Variants in RPS6KA2 observed in about 807,000 individuals in gnomAD.
RPS6KA2 encodes the protein ribosomal protein S6 kinase alpha-2.
A neutral mutation model predicts 91.8 loss-of-function variants in RPS6KA2; 42 were observed. The observed-to-expected ratio is 0.46, with a 90% CI of 0.36 to 0.59. RPS6KA2 has a LOEUF of 0.59. Among genes scored for constraint, RPS6KA2 ranks in the 20% least tolerant of loss-of-function variants. RPS6KA2 has a pLI of 0.00. For missense variants in RPS6KA2, 798 were observed against 978.5 expected (o/e 0.82, Z 2.46); for synonymous variants, 414 against 393.6 (o/e 1.05, Z -0.61).
intron 2 of RPS6KA2, among the ~76,000 whole-genome samples, chr6:166,642,028 G>C (rs775759928): frequency 6.6e-6 from 1 of 151,658 alleles, no homozygotes; most frequent in Admixed American, 6.6e-5. Context: ...AAAATATACC[G>C]ATCTTCATAT....
chr6:166,640,443 C>A (rs576782808), intron 2 of RPS6KA2, among the ~76,000 whole-genome samples: 2 of 152,216 alleles, frequency 1.3e-5, no homozygotes, highest in South Asian at 2.1e-4. Context: ...GTGGCAGCCC[C>A]GGGAGAGGCG....
rs1381016011 is a variant in RPS6KA2 at position 166,557,953 on chromosome 6, GATGTAT to G, written c.100-19175_100-19170del. ...GTGTGTGGGTGTGGGTGTGTATAGA[GATGTAT>G]ATGTATATACAGAGGGGTGTGTGTG... On this transcript the variant is annotated intron_variant, in intron 1 of 20. Transcript: ENST00000265678. This position sits in a 1 kb window ranked among gnomAD's most constrained non-coding sequence, Gnocchi z 4.8. Among the ~76,000 whole-genome samples the G allele has an allele frequency of 6.6e-6, 1 of 151,824 alleles. No individual in the cohort carries two copies. Among genetic ancestry groups the G allele is most frequent in the Non-Finnish European group, 1.5e-5 (1 of 67,980 alleles).
upstream of RPS6KA2, among the ~76,000 whole-genome samples, chr6:166,632,003 G>T (rs1787094435): frequency 6.6e-6 from 1 of 152,162 alleles, no homozygotes; most frequent in South Asian, 2.1e-4. Flanking sequence ...ACATTTCCAG[G>T]ATACTAACTC....
chr6:166,423,277 C>G lies in RPS6KA2; in HGVS notation c.1722G>C (p.Thr574=), dbSNP rs141673447. The G allele has an allele frequency of 5.6e-6, 9 of 1,612,340 alleles. No individual in the cohort carries two copies. In the Admixed American group the frequency reaches 1.5e-4, roughly 27 times the overall value. Residue 574 remains threonine, a synonymous_variant, in exon 17 of 21, where the codon ACG becomes ACC. Coordinates refer to ENST00000265678, the MANE Select transcript of RPS6KA2 (RefSeq NM_021135.6). This position sits in a 1 kb window ranked among gnomAD's most constrained non-coding sequence, Gnocchi z 4.8. ...GNGLLMTPCY[T]ANFVAPEVLK... is the part of the protein sequence containing the mutation. Reference sequence around the variant, plus strand: ...TCACCTCCGGGGCCACGAAATTGGCCGTGTAGCAGGGTGTCATGAGCAGCC... The same window carrying G: ...TCACCTCCGGGGCCACGAAATTGGCGGTGTAGCAGGGTGTCATGAGCAGCC...
intron 2 of RPS6KA2, among the ~76,000 whole-genome samples, chr6:166,644,063 TG>T (rs1787530660): frequency 6.6e-6 from 1 of 152,236 alleles, no homozygotes; most frequent in Admixed American, 6.5e-5. Context: ...ACATGCACTT[TG>T]TGCCACAGGA....
At chr6:166,760,748 G>A (rs918033923) in intron 2 of RPS6KA2, among the ~76,000 whole-genome samples, 5 of 152,328 alleles carry the variant, frequency 3.3e-5, no homozygotes, top group South Asian at 2.1e-4. Flanking sequence ...AAGAAGAATC[G>A]GATGGGGGAA....
At chr6:166,525,264 G>T (rs764359747) in intron 3 of RPS6KA2, among the ~76,000 whole-genome samples, 9 of 152,138 alleles carry the variant, frequency 5.9e-5, no homozygotes, top group Non-Finnish European at 1.0e-4. Context: ...TATATAGAAC[G>T]GTTACCTGTA....
intron 2 of RPS6KA2, among the ~76,000 whole-genome samples, chr6:166,651,198 CAT>C (rs1165403435): frequency 2.0e-5 from 3 of 152,082 alleles, no homozygotes; most frequent in Non-Finnish European, 2.9e-5. Context: ...ATACTTATAT[CAT>C]ATATATATAA....
chr6:166,430,141 G>A (rs1223795593), intron 16 of RPS6KA2, among the ~76,000 whole-genome samples: 1 of 151,224 alleles, frequency 6.6e-6, no homozygotes, highest in Non-Finnish European at 1.5e-5. Context: ...TTTTGTTGTT[G>A]TTATTTTTAG....
chr6:166,494,286 AG>A lies in RPS6KA2; in HGVS notation c.748-3546del, dbSNP rs1781706338. Among the ~76,000 whole-genome samples, 1 of 152,100 alleles carries A rather than the reference AG, an allele frequency of 6.6e-6. No individual in the cohort carries two copies. Among genetic ancestry groups the A allele is most frequent in the Non-Finnish European group, 1.5e-5 (1 of 68,026 alleles). On this transcript the variant is annotated intron_variant, in intron 8 of 20. Transcript: ENST00000265678. This position sits in a 1 kb window ranked among gnomAD's most constrained non-coding sequence, Gnocchi z 5.1. Reference sequence around the variant, plus strand: ...GCTCCGTGTGCTGCACCCCACTCCGAGTGCCAAGAATCTCAGTCTCAAAACA... The same window carrying A: ...GCTCCGTGTGCTGCACCCCACTCCGATGCCAAGAATCTCAGTCTCAAAACA...
chr6:166,660,555 G>A (rs923546474), intron 2 of RPS6KA2, among the ~76,000 whole-genome samples: 1 of 152,166 alleles, frequency 6.6e-6, no homozygotes, highest in Non-Finnish European at 1.5e-5. Context: ...CACAGCTCCT[G>A]CCTCATAAGG....
chr6:166,796,525 G>A (rs1309471100), intron 2 of RPS6KA2, among the ~76,000 whole-genome samples: 2 of 151,694 alleles, frequency 1.3e-5, no homozygotes, highest in Non-Finnish European at 2.9e-5. Flanking sequence ...GGAGGTGGAG[G>A]TTGCAGTGAG....
chr6:166,432,527 C>T (rs369724850), intron 14 of RPS6KA2, 37 bp from the exon 15 acceptor site: 2 of 1,391,000 alleles, frequency 1.4e-6, no homozygotes, highest in Non-Finnish European at 2.0e-6. Context: ...GAGGGGTCTA[C>T]TTTAGGCTTT....
intron 1 of RPS6KA2, among the ~76,000 whole-genome samples, chr6:166,579,198 T>C (rs1417466875): frequency 6.6e-6 from 1 of 152,200 alleles, no homozygotes; most frequent in African/African-American, 2.4e-5. Context: ...AAACAATCTA[T>C]AGTTGTATTC....
intron 1 of RPS6KA2, among the ~76,000 whole-genome samples, chr6:166,615,621 C>T (rs1299645381): frequency 4.6e-5 from 7 of 152,172 alleles, no homozygotes; most frequent in Non-Finnish European, 1.0e-4. Flanking sequence ...GCCCACACAC[C>T]GTGTGCTCGC....
At chr6:166,804,551 A>C (rs1329677993) in intron 2 of RPS6KA2, among the ~76,000 whole-genome samples, 1 of 152,048 alleles carries the variant, frequency 6.6e-6, no homozygotes, top group Non-Finnish European at 1.5e-5. Context: ...TCTGTTATAG[A>C]TAAATAACAG....
chr6:166,723,704 C>CTTTTTT (rs1249150694), intron 2 of RPS6KA2, among the ~76,000 whole-genome samples: 2 of 139,650 alleles, frequency 1.4e-5, no homozygotes, highest in African/African-American at 5.5e-5. Flanking sequence ...CTTTTCTTTT[C>CTTTTTT]TTTTTTTTTT....
intron 2 of RPS6KA2, among the ~76,000 whole-genome samples, chr6:166,645,654 G>C (rs1312099659): frequency 6.6e-6 from 1 of 152,214 alleles, no homozygotes. Flanking sequence ...GATCTACCTG[G>C]AGATGGGGGC....
At chr6:166,829,991 T>A (rs1020712673) in intron 2 of RPS6KA2, among the ~76,000 whole-genome samples, 4 of 151,532 alleles carry the variant, frequency 2.6e-5, no homozygotes, top group Non-Finnish European at 4.4e-5. Context: ...CTGGGCGTAG[T>A]GGTGGGCGCC....
Sources: gnomAD v4.1 joint callset for allele counts (sites outside exome capture counted in the v4.1 genomes callset) on GRCh38, gnomAD v4.1.1 for gene constraint, Gnocchi (gnomAD v3.1) non-coding constraint, MANE v1.5 for transcripts, NCBI Gene and HGNC (gene_info 2026-07-23, HGNC 2026-07-21) for gene names.